Variants in SNX2 observed in about 807,000 individuals in gnomAD.
The protein encoded by SNX2 is sorting nexin 2.
A neutral mutation model predicts 69.9 loss-of-function variants in SNX2; 25 were observed. The observed-to-expected ratio is 0.36, with a 90% CI of 0.26 to 0.50. SNX2 has a LOEUF of 0.50. Among genes scored for constraint, SNX2 ranks in the 20% least tolerant of loss-of-function variants. The pLI is 0.97. For missense variants in SNX2, 551 were observed against 613.3 expected (o/e 0.90, Z 1.07); for synonymous variants, 229 against 200.4 (o/e 1.14, Z -1.20).
In SNX2 at chr5:122,795,251, G is replaced by T; in HGVS notation, c.109-15G>T. 6.5e-7 allele frequency: 1 copy of T among 1,542,648 alleles called. No individual in the cohort carries two copies. The highest frequency in any genetic ancestry group is 9.0e-7 in the Non-Finnish European group (1 of 1,115,904). On this transcript the variant is annotated splice_polypyrimidine_tract_variant and intron_variant, in intron 1 of 14. Coordinates refer to ENST00000379516, the MANE Select transcript of SNX2 (RefSeq NM_003100.4). ...ACATGCCAATCCATTACCTATTATT[G>T]TTCTTTTTTAACAGTCAAGTCCATC...
intron 1 of SNX2, among the ~76,000 whole-genome samples, chr5:122,782,632 G>T (rs530960176): frequency 6.6e-5 from 10 of 152,068 alleles, no homozygotes; most frequent in Admixed American, 2.0e-4. Context: ...CACCTCCCCA[G>T]TTCAAGCGAT....
At chr5:122,803,955 A>G (rs769527271) in intron 6 of SNX2, 6 of 162,452 alleles carry the variant, frequency 3.7e-5, no homozygotes, top group Non-Finnish European at 5.3e-5. Flanking sequence ...CCTAGCCAAC[A>G]TGGTGAAACC....
At chr5:122,824,583 T>C (rs1754112234) in intron 11 of SNX2, among the ~76,000 whole-genome samples, 1 of 152,176 alleles carries the variant, frequency 6.6e-6, no homozygotes, top group African/African-American at 2.4e-5. Flanking sequence ...TGACTGCCAG[T>C]TTGCCCTGGA....
intron 1 of SNX2, chr5:122,775,873 G>C (rs1752846939): frequency 1.9e-6 from 1 of 522,662 alleles, no homozygotes; most frequent in Non-Finnish European, 2.5e-6. Context: ...AACTGCTGTT[G>C]TGTGTGTGTG....
At chr5:122,813,640 T>C (rs535859693) in intron 7 of SNX2, among the ~76,000 whole-genome samples, 1 of 152,240 alleles carries the variant, frequency 6.6e-6, no homozygotes, top group African/African-American at 2.4e-5. Context: ...TTTCTTGATA[T>C]GGAATCAGTC....
At chr5:122,823,808 G>GTGTA (rs1295201026) in intron 11 of SNX2, among the ~76,000 whole-genome samples, 3 of 148,506 alleles carry the variant, frequency 2.0e-5, no homozygotes, top group African/African-American at 7.6e-5. Context: ...GTGTGTGTGT[G>GTGTA]TGTATGTGTA....
At chr5:122,800,496 A>G (rs1303205677) in intron 3 of SNX2, among the ~76,000 whole-genome samples, 1 of 152,242 alleles carries the variant, frequency 6.6e-6, no homozygotes, top group African/African-American at 2.4e-5. Context: ...ATTCTAATAT[A>G]TGAACTTTAA....
intron 1 of SNX2, chr5:122,775,646 A>T (rs1180631595): frequency 1.0e-6 from 1 of 987,280 alleles, no homozygotes; most frequent in African/African-American, 1.7e-5. Context: ...CAATGAAGTG[A>T]GCGCTGAGGG....
At chr5:122,778,591 C>T (rs147945961) in intron 1 of SNX2, among the ~76,000 whole-genome samples, 4 of 152,152 alleles carry the variant, frequency 2.6e-5, no homozygotes, top group African/African-American at 9.7e-5. Context: ...TCACTGCAGT[C>T]TCCACCTCCC....
intron 1 of SNX2, among the ~76,000 whole-genome samples, chr5:122,782,061 G>A (rs1039245435): frequency 6.6e-6 from 1 of 152,094 alleles, no homozygotes; most frequent in Admixed American, 6.5e-5. Context: ...AGATCTGATT[G>A]CTAAACATTT....
At chr5:122,803,798 T>TTTTC (rs1753568539) in intron 6 of SNX2, 185 bp downstream of exon 6, 1 of 499,766 alleles carries the variant, frequency 2.0e-6, no homozygotes, top group Non-Finnish European at 3.5e-6. Flanking sequence ...AATAGTTTTA[T>TTTTC]TTTCTAACAC....
At chr5:122,829,405 A>G (rs907505707) in intron 14 of SNX2, among the ~76,000 whole-genome samples, 193 bp from the exon 15 acceptor site, 6 of 151,830 alleles carry the variant, frequency 4.0e-5, no homozygotes, top group African/African-American at 1.5e-4. Context: ...GGGTTTCACC[A>G]TGTTGACCAG....
At chr5:122,785,859 G>A (rs12652036) in intron 1 of SNX2, among the ~76,000 whole-genome samples, 14,866 of 152,160 alleles carry the variant, frequency 0.098, 1,021 homozygotes, top group South Asian at 0.25. Flanking sequence ...AGTCTGTTTT[G>A]TTGGGTGGAG....
chr5:122,811,154 G>A (rs1208047912), intron 7 of SNX2, among the ~76,000 whole-genome samples: 2 of 152,138 alleles, frequency 1.3e-5, no homozygotes, highest in South Asian at 2.1e-4. Flanking sequence ...TGATATTTAC[G>A]TATTCGTTCA....
At position 122,826,156 on chromosome 5, in the gene SNX2, C is replaced by T; in HGVS notation, c.1319C>T (p.Pro440Leu). The T allele has an allele frequency of 6.2e-7, 1 of 1,612,668 alleles. No individual in the cohort carries two copies. The highest frequency in any genetic ancestry group is 1.1e-5 in the South Asian group (1 of 90,996). The change falls in exon 12 of 15, where the codon CCA becomes CTA. Residue 440 changes from proline to leucine, a missense_variant. Physicochemically the swap from Pro to Leu is moderately conservative, Grantham distance 98. Coordinates refer to ENST00000379516, the MANE Select transcript of SNX2 (RefSeq NM_003100.4). ...GCAAAAATGATGGTTGCTAACAAAC[C>T]AGATAAAATACAGCAAGCTAAAAAT... ...AEAKMMVANK[P>L]DKIQQAKNEI... is the part of the protein sequence containing the mutation.
intron 14 of SNX2, chr5:122,827,897 A>C: frequency 6.6e-5 from 24 of 365,526 alleles, no homozygotes; most frequent in Middle Eastern, 7.9e-4. Flanking sequence ...CAGAAACCTC[A>C]TGGGCAACTT....
At chr5:122,786,109 T>C (rs540374270) in intron 1 of SNX2, among the ~76,000 whole-genome samples, 27 of 152,346 alleles carry the variant, frequency 1.8e-4, no homozygotes, top group South Asian at 1.0e-3. Context: ...TTTTATCATA[T>C]AATGTCCCTT....
chr5:122,817,767 G>T (rs540776516), intron 10 of SNX2, among the ~76,000 whole-genome samples: 1 of 152,016 alleles, frequency 6.6e-6, no homozygotes, highest in East Asian at 1.9e-4. Context: ...CTTGAGATTT[G>T]AAAATTGCTT....
At chr5:122,823,270 T>C (rs1327420816) in intron 11 of SNX2, among the ~76,000 whole-genome samples, 4 of 152,258 alleles carry the variant, frequency 2.6e-5, no homozygotes, top group Admixed American at 6.5e-5. Context: ...TGACTGGTGC[T>C]GGTTCTTTTT....
Sources: allele counts gnomAD v4.1 joint callset (sites outside exome capture counted in the v4.1 genomes callset), GRCh38; gene constraint gnomAD v4.1.1; transcripts MANE v1.5; gene names NCBI Gene and HGNC (gene_info 2026-07-23, HGNC 2026-07-21).